Variants in RGS3 observed in about 807,000 individuals in gnomAD.
The protein encoded by RGS3 is regulator of G-protein signalling 3.
RGS3 carries 80 observed loss-of-function variants against 132.6 expected under a neutral mutation model. That is an observed-to-expected ratio of 0.60 (90% confidence interval 0.50 to 0.73). The LOEUF is 0.73. Ranked by LOEUF, RGS3 falls within the 30% of genes least tolerant of loss-of-function variation. The pLI, the probability that RGS3 is intolerant of heterozygous loss-of-function variation, is 0.00. For missense variants in RGS3, 1,382 were observed against 1,530.8 expected (o/e 0.90, Z 1.62); for synonymous variants, 598 against 620.6 (o/e 0.96, Z 0.54).
At chr9:113,482,476 C>A (rs1384347832) in intron 4 of RGS3, among the ~76,000 whole-genome samples, 1 of 152,182 alleles carries the variant, frequency 6.6e-6, no homozygotes, top group Non-Finnish European at 1.5e-5. Context: ...CCCTGAGGCC[C>A]CAGCTTGTGA....
Position 113,591,370 on chromosome 9 carries a change from C to T in RGS3, c.3053C>T (p.Ala1018Val), listed in dbSNP as rs534030092. 2 of 1,613,668 alleles carry T rather than the reference C, an allele frequency of 1.2e-6. No homozygotes were observed. The highest frequency in any genetic ancestry group is 1.1e-5 in the South Asian group (1 of 91,080). ...GACACCGTTGGGGATGATGACGAAGCCTCCCGGAAGAGAAAGAGCAAAAAC... is the reference window on the plus strand; with the variant it reads ...GACACCGTTGGGGATGATGACGAAGTCTCCCGGAAGAGAAAGAGCAAAAAC... The change falls in exon 21 of 25, where the codon GCC (alanine) becomes GTC (valine). Residue 1018 changes from alanine (A) to valine (V), a missense_variant. By Grantham distance (64) the Ala-to-Val change is moderately conservative. Coordinates refer to ENST00000350696, the Ensembl canonical transcript of RGS3. The surrounding 1 kb of genome is among the most constrained non-coding windows in gnomAD (Gnocchi z 4.4).
At chr9:113,473,341 G>A (rs1283444453) in intron 3 of RGS3, among the ~76,000 whole-genome samples, 4 of 152,138 alleles carry the variant, frequency 2.6e-5, no homozygotes, top group African/African-American at 9.7e-5. Flanking sequence ...GCAAACCCCA[G>A]CTCTGCCACT....
chr9:113,588,643 G>T (rs1465943586), intron 20 of RGS3, among the ~76,000 whole-genome samples: 3 of 152,222 alleles, frequency 2.0e-5, no homozygotes, highest in African/African-American at 7.2e-5. Context: ...ATGAGATAAA[G>T]TATGTTAAAA....
At chr9:113,541,478 C>T in intron 19 of RGS3, 1 of 1,599,082 alleles carries the variant, frequency 6.3e-7, no homozygotes, top group South Asian at 1.1e-5. Flanking sequence ...CTTTCTTGGG[C>T]ATCCCCTACC....
chr9:113,522,707 G>T, intron 16 of RGS3: 1 of 554,470 alleles, frequency 1.8e-6, no homozygotes, highest in Non-Finnish European at 3.2e-6. Context: ...CTACTTTGAG[G>T]AGTGGAAGTA....
chr9:113,594,115 G>A, intron 21 of RGS3: 3 of 1,613,120 alleles, frequency 1.9e-6, no homozygotes, highest in Non-Finnish European at 2.5e-6. Context: ...GCCCCGGCTT[G>A]TGCCTGGGAG....
chr9:113,532,862 T>C (rs1832529344), intron 18 of RGS3, among the ~76,000 whole-genome samples: 1 of 152,156 alleles, frequency 6.6e-6, no homozygotes, highest in Non-Finnish European at 1.5e-5. Flanking sequence ...TGGACAGTTA[T>C]ACAAAAAGCT....
At position 113,484,309 on chromosome 9, in the gene RGS3, T is replaced by A. The variant is rs112901294; in HGVS notation, c.620+77T>A. 6.6e-3 allele frequency: 2,464 copies of A among 375,454 alleles called. 64 individuals carry two copies. Among genetic ancestry groups the A allele is most frequent in the African/African-American group, 0.059 (2,228 of 37,736 alleles). 23.3% of individuals were successfully genotyped at this position (375,454 alleles called of 1,614,324 possible). Reference sequence around the variant, plus strand: ...TCTGGAAACAGCTCTGTTTGCCAAATCTAGAACTAGATCTATGCAAAAAAA... The same window carrying A: ...TCTGGAAACAGCTCTGTTTGCCAAAACTAGAACTAGATCTATGCAAAAAAA... On this transcript the variant is annotated intron_variant, in intron 6 of 24. Coordinates refer to ENST00000350696, the Ensembl canonical transcript of RGS3.
At chr9:113,585,547 A>C (rs1835076550) in intron 20 of RGS3, among the ~76,000 whole-genome samples, 1 of 152,262 alleles carries the variant, frequency 6.6e-6, no homozygotes, top group African/African-American at 2.4e-5. Context: ...TCAGGAGGAC[A>C]GACCCCAGGG....
At chr9:113,482,716 T>C (rs1830204646) in intron 4 of RGS3, among the ~76,000 whole-genome samples, 1 of 152,246 alleles carries the variant, frequency 6.6e-6, no homozygotes, top group Non-Finnish European at 1.5e-5. Flanking sequence ...CCTCGAAGCC[T>C]CATTTTCCCC....
intron 19 of RGS3, among the ~76,000 whole-genome samples, chr9:113,553,441 TAA>T (rs66536651): frequency 1.5e-3 from 31 of 20,422 alleles, no homozygotes; most frequent in Non-Finnish European, 2.5e-3. Flanking sequence ...AAACTCTGTT[TAA>T]AAAAAAAAAA....
intron 3 of RGS3, among the ~76,000 whole-genome samples, chr9:113,476,867 T>C (rs1209161825): frequency 6.6e-6 from 1 of 152,210 alleles, no homozygotes. Flanking sequence ...TGATAGGTGT[T>C]GTGGAGCACA....
At chr9:113,490,333 C>T (rs541723726) in intron 7 of RGS3, among the ~76,000 whole-genome samples, 62 of 152,200 alleles carry the variant, frequency 4.1e-4, no homozygotes, top group Non-Finnish European at 7.8e-4. Flanking sequence ...CTTTCCCCTT[C>T]TCCAGTGAAT....
intron 19 of RGS3, among the ~76,000 whole-genome samples, chr9:113,545,256 A>G (rs916627336): frequency 1.3e-5 from 2 of 152,240 alleles, no homozygotes; most frequent in Admixed American, 1.3e-4. Context: ...GCTTGTGCCC[A>G]GCGTAAGTAC....
At chr9:113,479,394 A>G (rs1830089825) in intron 3 of RGS3, 97 bp from the exon 2 acceptor site, 5 of 1,254,456 alleles carry the variant, frequency 4.0e-6, no homozygotes, top group Non-Finnish European at 5.8e-6. Flanking sequence ...ATGGCTTCAC[A>G]TGAACAAAAG....
intron 10 of RGS3, 128 bp downstream of exon 8, chr9:113,498,208 G>GAAAATCAAGA: frequency 1.4e-6 from 1 of 735,914 alleles, no homozygotes; most frequent in Non-Finnish European, 2.3e-6. Flanking sequence ...TACTCAGAAG[G>GAAAATCAAGA]AATAATTTCT....
At chr9:113,451,649 G>A (rs1239933942) in intron 1 of RGS3, among the ~76,000 whole-genome samples, 1 of 150,516 alleles carries the variant, frequency 6.6e-6, no homozygotes, top group Non-Finnish European at 1.5e-5. Flanking sequence ...GGCAACATAT[G>A]CAATTTATTA....
At chr9:113,582,055 C>G (rs757053349) in intron 19 of RGS3, 15 of 985,456 alleles carry the variant, frequency 1.5e-5, no homozygotes, top group Non-Finnish European at 1.7e-5. Context: ...CACATCCGCT[C>G]ACATCTGTGC....
intron 15 of RGS3, among the ~76,000 whole-genome samples, chr9:113,516,832 G>A (rs1831694796): frequency 6.6e-6 from 1 of 152,180 alleles, no homozygotes; most frequent in Admixed American, 6.5e-5. Flanking sequence ...AAGTAGCTGG[G>A]ATTTCAGGTC....
Sources: gnomAD v4.1 joint callset for allele counts (sites outside exome capture counted in the v4.1 genomes callset) on GRCh38, gnomAD v4.1.1 for gene constraint, Gnocchi (gnomAD v3.1) non-coding constraint, MANE v1.5 for transcripts, NCBI Gene and HGNC (gene_info 2026-07-23, HGNC 2026-07-21) for gene names.